Variants in GRIA3 observed in about 807,000 individuals in gnomAD.
GRIA3 encodes the protein glutamate ionotropic receptor AMPA type subunit 3, also known as glutamate receptor 3.
In GRIA3, 3 loss-of-function variants were observed where a neutral mutation model predicts 63.0. The observed-to-expected ratio is 0.05, with a 90% CI of 0.02 to 0.12. The LOEUF is 0.12. Among genes scored for constraint, GRIA3 ranks in the 10% least tolerant of loss-of-function variants. GRIA3 has a pLI of 1.00. For missense variants in GRIA3, 347 were observed against 700.9 expected (o/e 0.50, Z 5.70); for synonymous variants, 274 against 257.9 (o/e 1.06, Z -0.60).
intron 4 of GRIA3, among the ~76,000 whole-genome samples, chrX:123,353,857 C>T (rs1288748706): frequency 9.0e-6 from 1 of 111,594 alleles, no homozygotes; most frequent in Admixed American, 9.5e-5. Context: ...ACTTTGTACA[C>T]AGTCAGTACT....
At chrX:123,443,518 A>C (rs746370447) in intron 12 of GRIA3, among the ~76,000 whole-genome samples, 16 of 112,029 alleles carry the variant, frequency 1.4e-4, no homozygotes, top group African/African-American at 5.2e-4. Flanking sequence ...GGAACTTCTT[A>C]GAAAAATATG....
At chrX:123,346,078 C>T (rs1007822100) in intron 4 of GRIA3, among the ~76,000 whole-genome samples, 2 of 111,291 alleles carry the variant, frequency 1.8e-5, no homozygotes, top group African/African-American at 6.5e-5. Context: ...ATACTGAAAC[C>T]CAGAATATTT....
chrX:123,292,637 T>C (rs1259967035), intron 3 of GRIA3, among the ~76,000 whole-genome samples: 2 of 111,439 alleles, frequency 1.8e-5, no homozygotes, highest in Non-Finnish European at 3.8e-5. Context: ...TTTGCTGCTT[T>C]GATGTGAATG....
intron 3 of GRIA3, among the ~76,000 whole-genome samples, chrX:123,309,120 C>T (rs1159023309): frequency 8.9e-6 from 1 of 111,797 alleles, no homozygotes; most frequent in African/African-American, 3.3e-5. Context: ...CGCAGTGGCT[C>T]ATACCTGTAA....
chrX:123,433,712 G>C (rs1490297626), intron 12 of GRIA3, among the ~76,000 whole-genome samples: 1 of 111,820 alleles, frequency 8.9e-6, no homozygotes, highest in Non-Finnish European at 1.9e-5. Flanking sequence ...AAGAGGAGTA[G>C]AGAGAGTGGT....
intron 6 of GRIA3, among the ~76,000 whole-genome samples, chrX:123,396,916 T>C (rs1284278717): frequency 8.9e-6 from 1 of 112,291 alleles, no homozygotes; most frequent in Non-Finnish European, 1.9e-5. Context: ...GAGAAATTCA[T>C]TTATTCAATA....
At chrX:123,478,343 G>A (rs1402320146) in intron 13 of GRIA3, among the ~76,000 whole-genome samples, 1 of 111,830 alleles carries the variant, frequency 8.9e-6, no homozygotes, top group Non-Finnish European at 1.9e-5. Context: ...CCAAGCAACT[G>A]GTTAGCATTT....
At chrX:123,335,109 G>A (rs1289225939) in intron 4 of GRIA3, among the ~76,000 whole-genome samples, 3 of 110,322 alleles carry the variant, frequency 2.7e-5, no homozygotes, top group African/African-American at 9.9e-5. Context: ...CAGGTTTCCA[G>A]GCTGGTGACC....
At chrX:123,271,062 C>T (rs2044518460) in intron 3 of GRIA3, among the ~76,000 whole-genome samples, 1 of 111,619 alleles carries the variant, frequency 9.0e-6, no homozygotes, top group Non-Finnish European at 1.9e-5. Flanking sequence ...TCTCACTGAC[C>T]CCATAATTTC....
At chrX:123,334,817 C>T (rs1225568039) in intron 4 of GRIA3, among the ~76,000 whole-genome samples, 1 of 110,715 alleles carries the variant, frequency 9.0e-6, no homozygotes, top group Non-Finnish European at 1.9e-5. Flanking sequence ...ATCTCCATTT[C>T]CTGAACTGTA....
intron 4 of GRIA3, among the ~76,000 whole-genome samples, chrX:123,340,772 A>C: frequency 8.9e-6 from 1 of 112,199 alleles, no homozygotes; most frequent in Non-Finnish European, 1.9e-5. Context: ...CTCACGGTAC[A>C]CACACAGCAG....
rs754769442 is a variant in GRIA3 at position 123,256,519 on chromosome X, G to A, written c.508+2977G>A. Among the ~76,000 whole-genome samples, 7 of 111,478 alleles carry A rather than the reference G, an allele frequency of 6.3e-5. No homozygotes were observed. In the South Asian group the frequency reaches 2.7e-3, roughly 43 times the overall value. On this transcript the variant is annotated intron_variant, in intron 3 of 15. Coordinates refer to ENST00000620443, the MANE Select transcript of GRIA3 (RefSeq NM_007325.5). ...GAAGAGTAGAGGGAAATAGTTTCAA[G>A]CAGTAGAAATAGCAAGTGCAAAGGT...
At chrX:123,464,443 A>T (rs2045824130) in intron 12 of GRIA3, among the ~76,000 whole-genome samples, 1 of 111,939 alleles carries the variant, frequency 8.9e-6, no homozygotes. Flanking sequence ...ATAGCTGTAC[A>T]CTACCTTATA....
In GRIA3 at chrX:123,409,943, A is replaced by G. The variant is rs772863381; in HGVS notation, c.1500+5029A>G. Among the ~76,000 whole-genome samples, 198 of 111,495 alleles carry G rather than the reference A, an allele frequency of 1.8e-3. 1 individual carries two copies. Among genetic ancestry groups the G allele is most frequent in the Non-Finnish European group, 3.1e-3 (163 of 53,072 alleles). ...CTGGGTCACACTGGCTCAGTTCACT[A>G]AACTTGTGAGATTATGGAAATATTG... On this transcript the variant is annotated intron_variant, in intron 10 of 15. Transcript: ENST00000620443.
chrX:123,428,182 A>G (rs2045600056), intron 12 of GRIA3, 43 bp downstream of exon 12: 3 of 906,189 alleles, frequency 3.3e-6, no homozygotes, highest in Non-Finnish European at 4.9e-6. Flanking sequence ...TATTTATTTT[A>G]TCATCTTCTC....
At chrX:123,427,713 T>C (rs1347349462) in intron 11 of GRIA3, among the ~76,000 whole-genome samples, 3 of 110,701 alleles carry the variant, frequency 2.7e-5, no homozygotes, top group Admixed American at 9.7e-5. Context: ...GAAACGTGTA[T>C]AGGCCTGACA....
chrX:123,442,442 A>C, intron 12 of GRIA3, among the ~76,000 whole-genome samples: 1 of 112,164 alleles, frequency 8.9e-6, no homozygotes. Flanking sequence ...CAAAGAGTGG[A>C]TATTACAGGG....
At chrX:123,479,650 C>T (rs1411841057) in intron 13 of GRIA3, among the ~76,000 whole-genome samples, 2 of 112,123 alleles carry the variant, frequency 1.8e-5, no homozygotes, top group South Asian at 3.8e-4. Context: ...GTCCTTTTCC[C>T]GACTCCTCCA....
chrX:123,290,428 A>G (rs1012038164), intron 3 of GRIA3, among the ~76,000 whole-genome samples: 5 of 111,656 alleles, frequency 4.5e-5, no homozygotes, highest in African/African-American at 6.5e-5. Flanking sequence ...TTAACTAATG[A>G]AGGTCAGAAA....
Sources: allele counts gnomAD v4.1 joint callset (sites outside exome capture counted in the v4.1 genomes callset), GRCh38; gene constraint gnomAD v4.1.1; transcripts MANE v1.5; gene names NCBI Gene and HGNC (gene_info 2026-07-23, HGNC 2026-07-21).